STX18: variants seen among roughly 807,000 people sequenced by gnomAD.
STX18 encodes the protein syntaxin 18.
STX18 carries 40 observed loss-of-function variants against 50.1 expected under a neutral mutation model. That is an observed-to-expected ratio of 0.80 (90% CI 0.62 to 1.04). The LOEUF is 1.04. Ranked by LOEUF, STX18 falls within the 50% of genes least tolerant of loss-of-function variation. The pLI, the probability that STX18 is intolerant of heterozygous loss-of-function variation, is 0.00. For synonymous variants in STX18, 158 were observed against 151.8 expected (o/e 1.04, Z -0.30); for missense variants, 410 against 415.8 (o/e 0.99, Z 0.12).
At chr4:4,448,024 G>C (rs564022333) in intron 5 of STX18, among the ~76,000 whole-genome samples, 1 of 152,278 alleles carries the variant, frequency 6.6e-6, no homozygotes, top group South Asian at 2.1e-4. Context: ...TCACTGTGAA[G>C]GGGGAAGGAC....
intron 1 of STX18, among the ~76,000 whole-genome samples, chr4:4,535,557 G>C (rs890400563): frequency 2.7e-4 from 41 of 152,132 alleles, no homozygotes; most frequent in African/African-American, 9.9e-4. Context: ...CAAGGAGAGG[G>C]GGAAGGTAAC....
At chr4:4,458,086 CACTG>C (rs1388223855) in intron 3 of STX18, among the ~76,000 whole-genome samples, 1 of 152,138 alleles carries the variant, frequency 6.6e-6, no homozygotes, top group Non-Finnish European at 1.5e-5. Flanking sequence ...AGATAGTGAC[CACTG>C]ACTGAGAGAC....
intron 5 of STX18, among the ~76,000 whole-genome samples, chr4:4,447,503 A>G (rs1219156079): frequency 6.8e-6 from 1 of 146,414 alleles, no homozygotes; most frequent in African/African-American, 2.5e-5. Context: ...AGGCAGGAGA[A>G]TGGCGTGAAC....
chr4:4,507,652 C>T, intron 1 of STX18: 1 of 780,172 alleles, frequency 1.3e-6, no homozygotes. Context: ...TGGATGGCAG[C>T]CGGCTCATAA....
chr4:4,494,992 G>C (rs1005638102), intron 1 of STX18, among the ~76,000 whole-genome samples: 1 of 152,180 alleles, frequency 6.6e-6, no homozygotes, highest in Non-Finnish European at 1.5e-5. Flanking sequence ...AAGGCCCCTG[G>C]ATGATTCTAA....
intron 5 of STX18, among the ~76,000 whole-genome samples, chr4:4,449,396 T>C (rs550798509): frequency 4.9e-4 from 75 of 152,258 alleles, no homozygotes; most frequent in African/African-American, 1.8e-3. Context: ...AGTAATATCC[T>C]TTATAACAAC....
chr4:4,538,349 G>C (rs920389757), intron 1 of STX18, among the ~76,000 whole-genome samples: 2 of 152,166 alleles, frequency 1.3e-5, no homozygotes, highest in Non-Finnish European at 2.9e-5. Flanking sequence ...TGCCATCACT[G>C]AAAGAGTTTC....
chr4:4,475,504 A>T (rs1471777246), intron 1 of STX18, among the ~76,000 whole-genome samples: 1 of 152,106 alleles, frequency 6.6e-6, no homozygotes, highest in Non-Finnish European at 1.5e-5. Context: ...AACAACAAAG[A>T]AAAAAGTTCA....
At chr4:4,429,333 T>A (rs1358268909) in intron 7 of STX18, among the ~76,000 whole-genome samples, 1 of 152,244 alleles carries the variant, frequency 6.6e-6, no homozygotes, top group Non-Finnish European at 1.5e-5. Flanking sequence ...GTTTCTAATC[T>A]GGTTTAAAGG....
intron 1 of STX18, among the ~76,000 whole-genome samples, chr4:4,502,591 G>A (rs983162131): frequency 2.0e-5 from 3 of 152,032 alleles, no homozygotes; most frequent in Admixed American, 2.0e-4. Flanking sequence ...AAAATATTGA[G>A]TTCTTACTGG....
At chr4:4,476,400 G>A (rs573806661) in intron 1 of STX18, among the ~76,000 whole-genome samples, 1 of 152,242 alleles carries the variant, frequency 6.6e-6, no homozygotes, top group Non-Finnish European at 1.5e-5. Flanking sequence ...TGTGGAAACA[G>A]ATATTCTTAG....
chr4:4,520,741 C>T (rs1730470150), intron 1 of STX18, among the ~76,000 whole-genome samples: 1 of 151,884 alleles, frequency 6.6e-6, no homozygotes, highest in Non-Finnish European at 1.5e-5. Flanking sequence ...GAAAAAAAAA[C>T]ACTGATTCCA....
At chr4:4,524,737 T>C (rs985781651) in intron 1 of STX18, among the ~76,000 whole-genome samples, 8 of 152,264 alleles carry the variant, frequency 5.3e-5, no homozygotes, top group Admixed American at 4.6e-4. Context: ...GTCATACCAC[T>C]AGACTTTTCA....
intron 2 of STX18, among the ~76,000 whole-genome samples, chr4:4,468,960 G>C (rs964432789): frequency 1.3e-5 from 2 of 152,108 alleles, no homozygotes; most frequent in African/African-American, 4.8e-5. Context: ...CAACAGAAAG[G>C]AACAAACTAC....
At chr4:4,436,072 T>C (rs933117480) in intron 6 of STX18, among the ~76,000 whole-genome samples, 2 of 152,186 alleles carry the variant, frequency 1.3e-5, no homozygotes, top group Non-Finnish European at 2.9e-5. Context: ...AAATTTCCTG[T>C]AGTCAGTCTC....
intron 1 of STX18, among the ~76,000 whole-genome samples, chr4:4,480,225 T>G (rs1398970273): frequency 6.6e-6 from 1 of 152,238 alleles, no homozygotes; most frequent in Non-Finnish European, 1.5e-5. Context: ...ATCCTTATAA[T>G]CAGATAAAAC....
At chr4:4,441,091 C>T (rs1726080198) in intron 5 of STX18, among the ~76,000 whole-genome samples, 3 of 152,190 alleles carry the variant, frequency 2.0e-5, no homozygotes, top group Admixed American at 1.3e-4. Flanking sequence ...TGGTGCATGG[C>T]AGCTGGCTGC....
intron 2 of STX18, among the ~76,000 whole-genome samples, chr4:4,468,193 T>C (rs1727718141): frequency 6.6e-6 from 1 of 152,222 alleles, no homozygotes; most frequent in East Asian, 1.9e-4. Context: ...CCCTTTTTTT[T>C]CCTCCTTAGT....
At chr4:4,524,677 CCTGTGGT>C (rs1230148782) in intron 1 of STX18, among the ~76,000 whole-genome samples, 6 of 152,238 alleles carry the variant, frequency 3.9e-5, no homozygotes, top group African/African-American at 1.4e-4. Flanking sequence ...AAAAACCAGG[CCTGTGGT>C]GACACTGTTT....
Sources: gnomAD v4.1 joint callset for allele counts (sites outside exome capture counted in the v4.1 genomes callset) on GRCh38, gnomAD v4.1.1 for gene constraint, MANE v1.5 for transcripts, NCBI Gene and HGNC (gene_info 2026-07-23, HGNC 2026-07-21) for gene names.